PXYLP1: variants seen among roughly 807,000 people sequenced by gnomAD.
PXYLP1 encodes acid phosphatase-like 2.
In PXYLP1, 17 loss-of-function variants were observed where a neutral mutation model predicts 37.9. The observed-to-expected ratio is 0.45, with a 90% CI of 0.31 to 0.67. The LOEUF is 0.67. Among genes scored for constraint, PXYLP1 ranks in the 30% least tolerant of loss-of-function variants. The pLI is 0.07. For synonymous variants in PXYLP1, 221 were observed against 232.2 expected (o/e 0.95, Z 0.44); for missense variants, 511 against 612.0 (o/e 0.84, Z 1.74).
At position 141,292,104 on chromosome 3, in the gene PXYLP1, A is replaced by G. The variant is rs1428037532; in HGVS notation, c.506-164A>G. On this transcript the variant is annotated intron_variant, in intron 5 of 5. Coordinates refer to ENST00000286353, the MANE Select transcript of PXYLP1 (RefSeq NM_001037172.3). This position sits in a 1 kb window ranked among gnomAD's most constrained non-coding sequence, Gnocchi z 4.3. ...ATAACCCCAAGAGGCTCCCTTCACA[A>G]GCTGTTGTGAACTCGAGCTTGTAAC... is the stretch of plus-strand genomic sequence containing the variant. 6.6e-6 allele frequency among the ~76,000 whole-genome samples: 1 copy of G among 152,182 alleles called. No individual in the cohort carries two copies. The highest frequency in any genetic ancestry group is 1.5e-5 in the Non-Finnish European group (1 of 68,026).
chr3:141,265,610 T>C (rs1941489251), intron 2 of PXYLP1, among the ~76,000 whole-genome samples: 1 of 152,058 alleles, frequency 6.6e-6, no homozygotes, highest in African/African-American at 2.4e-5. Context: ...GTCATGGTGG[T>C]TCTGTGGAAC....
At position 141,293,406 on chromosome 3, in the gene PXYLP1, G is replaced by T; in HGVS notation, c.*201G>T. The T allele has an allele frequency of 1.7e-6, 1 of 599,382 alleles. No individual in the cohort carries two copies. The highest frequency in any genetic ancestry group is 2.9e-6 in the Non-Finnish European group (1 of 345,266). 37.1% of individuals were successfully genotyped at this position (599,382 alleles called of 1,614,324 possible). ...TACGTGAATTGCTTGGTACAAAATG[G>T]CCAGTTCACAGAGGAATAGAAGGTA... On this transcript the variant is annotated 3_prime_UTR_variant, in exon 6 of 6. Transcript: ENST00000286353.
intron 1 of PXYLP1, among the ~76,000 whole-genome samples, chr3:141,249,960 T>C (rs1559882519): frequency 6.6e-6 from 1 of 151,844 alleles, no homozygotes. Flanking sequence ...CTTTGTAGAG[T>C]TGGAAAAAAA....
chr3:141,248,508 T>TAC (rs1265900644), intron 1 of PXYLP1, among the ~76,000 whole-genome samples: 30 of 129,668 alleles, frequency 2.3e-4, no homozygotes, highest in South Asian at 9.2e-4. Flanking sequence ...TATATATATA[T>TAC]ATATACACAC....
At chr3:141,235,562 A>C (rs1940639710) in intron 1 of PXYLP1, 1 of 152,318 alleles carries the variant, frequency 6.6e-6, no homozygotes, top group Non-Finnish European at 1.5e-5. Context: ...TAGGTAAGTG[A>C]CAAAAGGAGC....
chr3:141,254,981 A>G (rs892137417), intron 1 of PXYLP1, among the ~76,000 whole-genome samples: 2 of 152,226 alleles, frequency 1.3e-5, no homozygotes, highest in East Asian at 3.8e-4. Flanking sequence ...TTACAAGGTG[A>G]AAAATAGGCC....
intron 1 of PXYLP1, among the ~76,000 whole-genome samples, chr3:141,240,147 C>A (rs1348406921): frequency 6.6e-6 from 1 of 152,210 alleles, no homozygotes; most frequent in Admixed American, 6.5e-5. Flanking sequence ...ACTCTCTTGG[C>A]CTTTCCTTCA....
At chr3:141,280,346 G>A (rs1391120165) in intron 4 of PXYLP1, among the ~76,000 whole-genome samples, 1 of 152,248 alleles carries the variant, frequency 6.6e-6, no homozygotes, top group Non-Finnish European at 1.5e-5. Flanking sequence ...GTGACACTTT[G>A]TAGCTCGTCT....
chr3:141,271,424 A>G (rs765939085), intron 2 of PXYLP1, among the ~76,000 whole-genome samples: 30 of 152,154 alleles, frequency 2.0e-4, no homozygotes, highest in Non-Finnish European at 3.8e-4. Flanking sequence ...TGAAGTCCCA[A>G]AAAGGGCAAG....
At chr3:141,274,102 G>A (rs1305808048) in intron 2 of PXYLP1, 1 of 993,454 alleles carries the variant, frequency 1.0e-6, no homozygotes, top group Admixed American at 5.8e-5. Flanking sequence ...AGAGGCACGG[G>A]GGGCCTGGGC....
intron 1 of PXYLP1, among the ~76,000 whole-genome samples, chr3:141,241,932 G>A (rs1255632801): frequency 6.6e-6 from 1 of 152,160 alleles, no homozygotes; most frequent in Non-Finnish European, 1.5e-5. Context: ...TCTGATTCTT[G>A]ACTGGTCCTT....
intron 1 of PXYLP1, among the ~76,000 whole-genome samples, chr3:141,249,356 C>G (rs1480002240): frequency 6.6e-6 from 1 of 151,784 alleles, no homozygotes; most frequent in Non-Finnish European, 1.5e-5. Context: ...CCATCCAGAG[C>G]AAAATCCCGT....
intron 4 of PXYLP1, among the ~76,000 whole-genome samples, chr3:141,282,380 C>T (rs1168043965): frequency 6.6e-6 from 1 of 152,098 alleles, no homozygotes; most frequent in East Asian, 1.9e-4. Flanking sequence ...CAGAACACTC[C>T]AGTTAAAATG....
At chr3:141,239,111 C>T (rs928459215) in intron 1 of PXYLP1, among the ~76,000 whole-genome samples, 7 of 149,078 alleles carry the variant, frequency 4.7e-5, no homozygotes, top group African/African-American at 1.7e-4. Context: ...AACAAAGAAA[C>T]AGCAAATAAT....
intron 3 of PXYLP1, 47 bp from the exon 4 acceptor site, chr3:141,279,331 T>C: frequency 1.2e-6 from 2 of 1,610,166 alleles, no homozygotes; most frequent in Non-Finnish European, 8.5e-7. Flanking sequence ...TCTAAAAGGA[T>C]TGACACCTAT....
chr3:141,261,239 G>A (rs1407883661), intron 2 of PXYLP1, among the ~76,000 whole-genome samples: 1 of 151,996 alleles, frequency 6.6e-6, no homozygotes, highest in Non-Finnish European at 1.5e-5. Context: ...CTCAACATCC[G>A]AGTTTAGGAG....
intron 4 of PXYLP1, among the ~76,000 whole-genome samples, chr3:141,282,830 G>A (rs1941985246): frequency 6.6e-6 from 1 of 152,214 alleles, no homozygotes; most frequent in Admixed American, 6.5e-5. Context: ...CTGACTGGGT[G>A]TCTGGCTGGT....
chr3:141,278,541 G>T, intron 3 of PXYLP1, 41 bp downstream of exon 3: 3 of 1,608,312 alleles, frequency 1.9e-6, no homozygotes, highest in Non-Finnish European at 2.6e-6. Flanking sequence ...CCCCTTTGGG[G>T]ACTAGTTATT....
intron 1 of PXYLP1, among the ~76,000 whole-genome samples, chr3:141,257,622 G>T (rs112497523): frequency 6.6e-6 from 1 of 152,140 alleles, no homozygotes; most frequent in African/African-American, 2.4e-5. Context: ...TTATGAAAAG[G>T]CAGTGTCAGC....
Sources: allele counts gnomAD v4.1 joint callset (sites outside exome capture counted in the v4.1 genomes callset), GRCh38; gene constraint gnomAD v4.1.1; non-coding constraint Gnocchi (gnomAD v3.1); transcripts MANE v1.5; gene names NCBI Gene and HGNC (gene_info 2026-07-23, HGNC 2026-07-21).